Variants in HTT observed in about 807,000 individuals in gnomAD.
HTT encodes huntington disease protein.
HTT carries 104 observed loss-of-function variants against 362.3 expected under a neutral mutation model. The ratio of observed to expected loss-of-function variants is 0.29; its 90% confidence interval spans 0.24 to 0.34. The LOEUF (loss-of-function observed/expected upper bound fraction) is 0.34. Among genes scored for constraint, HTT ranks in the 10% least tolerant of loss-of-function variants. HTT has a pLI of 1.00. For missense variants in HTT, 3,301 were observed against 3,928.6 expected, an observed-to-expected ratio of 0.84 and a Z score of 4.27; for synonymous variants, 1,577 against 1,548.7, an observed-to-expected ratio of 1.02 and a Z score of -0.43.
At chr4:3,081,550 CT>C (rs770325842) in intron 1 of HTT, among the ~76,000 whole-genome samples, 208 of 84,472 alleles carry the variant, frequency 2.5e-3, no homozygotes, top group East Asian at 0.021. Flanking sequence ...GAAAGCATTT[CT>C]TTTTTTTTTT....
At position 3,239,835 on chromosome 4, in the gene HTT, TC is replaced by T. The variant is rs749671401; in HGVS notation, c.9216-9del. 1 of 1,551,550 alleles carries T rather than the reference TC, an allele frequency of 6.4e-7. No homozygotes were observed. Among genetic ancestry groups the T allele is most frequent in the African/African-American group, 1.4e-5 (1 of 73,296 alleles). On this transcript the variant is annotated splice_polypyrimidine_tract_variant and intron_variant, in intron 66 of 66. Coordinates refer to ENST00000355072, the MANE Select transcript of HTT (RefSeq NM_001388492.1). Reference sequence around the variant, plus strand: ...TCATTTGCCGGCCTTTTTCCTTAACTCCTGCACCAGCCTCCCACATGTCATC... The same window carrying T: ...TCATTTGCCGGCCTTTTTCCTTAACTCTGCACCAGCCTCCCACATGTCATC...
chr4:3,110,915 G>A (rs1162914377), intron 6 of HTT, among the ~76,000 whole-genome samples: 1 of 152,064 alleles, frequency 6.6e-6, no homozygotes, highest in East Asian at 1.9e-4. Flanking sequence ...GTTGGATGTT[G>A]GTCCTCCTAG....
At position 3,236,522 on chromosome 4, in the gene HTT, C is replaced by T. The variant is rs150595680; in HGVS notation, c.8891+268C>T. Reference sequence around the variant, plus strand: ...CTCTCCTGAGGGCTCAGGGACAGTACCTGGCAGTTGGGGGTGTGGCAGGGG... The same window carrying T: ...CTCTCCTGAGGGCTCAGGGACAGTATCTGGCAGTTGGGGGTGTGGCAGGGG... On this transcript the variant is annotated intron_variant, in intron 64 of 66. Transcript: ENST00000355072. Among the ~76,000 whole-genome samples, 1,456 of 152,252 alleles carry T rather than the reference C, an allele frequency of 9.6e-3. 29 individuals carry two copies. The highest frequency in any genetic ancestry group is 7.2e-3 in the Non-Finnish European group (492 of 68,026).
At chr4:3,100,074 A>T (rs1714076292) in intron 3 of HTT, among the ~76,000 whole-genome samples, 1 of 152,236 alleles carries the variant, frequency 6.6e-6, no homozygotes, top group Admixed American at 6.5e-5. Context: ...CAATGAAGGG[A>T]ACCGATGGTA....
rs1419687761 is a variant in HTT, at chr4:3,099,307, C to A, written c.381C>A (p.Ile127=). 4 of 1,613,942 alleles carry A rather than the reference C, an allele frequency of 2.5e-6. No homozygotes were observed. The highest frequency in any genetic ancestry group is 3.4e-6 in the Non-Finnish European group (4 of 1,179,852). ...NSPEFQKLLG[I]AMELFLLCSD... The stretch of plus-strand genomic sequence containing the variant: ...CAGAATTTCAGAAACTTCTGGGCAT[C>A]GCTATGGAACTTTTTCTGCTGTGCA... Residue 127 remains isoleucine, a synonymous_variant, in exon 3 of 67, where the codon ATC becomes ATA. Transcript: ENST00000355072.
At chr4:3,147,885 A>G (rs1401963156) in intron 25 of HTT, 120 bp from the exon 26 acceptor site, 2 of 709,700 alleles carry the variant, frequency 2.8e-6, no homozygotes, top group Non-Finnish European at 4.7e-6. Flanking sequence ...TCAGTTGAAT[A>G]TCAGGCACAG....
At chr4:3,156,757 C>G (rs2110214317) in intron 27 of HTT, among the ~76,000 whole-genome samples, 1 of 152,302 alleles carries the variant, frequency 6.6e-6, no homozygotes, top group Non-Finnish European at 1.5e-5. Context: ...CAGAGAGGTT[C>G]TGGAATTGGC....
chr4:3,103,197 A>G (rs1714244908), intron 3 of HTT, among the ~76,000 whole-genome samples: 1 of 146,026 alleles, frequency 6.8e-6, no homozygotes, highest in Non-Finnish European at 1.5e-5. Flanking sequence ...GATTTATTAT[A>G]TATATATAAA....
At chr4:3,229,421 GCA>G (rs1721115307) in intron 59 of HTT, among the ~76,000 whole-genome samples, 1 of 117,550 alleles carries the variant, frequency 8.5e-6, no homozygotes, top group Non-Finnish European at 1.8e-5. Flanking sequence ...GCCACACACA[GCA>G]CACAACCACA....
Position 3,075,012 on chromosome 4 carries a change from C to T in HTT, c.187C>T (p.Pro63Ser). ...GCCGCCGCAGGCACAGCCGCTGCTG[C>T]CTCAGCCGCAGCCGCCCCCGCCGCC... ...QPPPQAQPLL[P>S]QPQPPPPPPP... The change falls in exon 1 of 67, where the codon CCT (proline) becomes TCT (serine). Residue 63 changes from proline to serine, a missense_variant. Pro to Ser is a moderately conservative substitution (Grantham distance 74). This residue lies in a region of HTT where 2,316 missense variants were observed against 2,658.5 expected (regional missense o/e 0.87). Coordinates refer to ENST00000355072, the MANE Select transcript of HTT (RefSeq NM_001388492.1). 7.6e-7 allele frequency: 1 copy of T among 1,318,172 alleles called. No homozygotes were observed. Among genetic ancestry groups the T allele is most frequent in the Non-Finnish European group, 9.6e-7 (1 of 1,036,938 alleles). The allele number at this position is 1,318,172 out of a possible 1,614,324, so 81.7% of individuals were successfully genotyped here. A position where few individuals can be genotyped will look rare whatever the true frequency, so the allele number is the denominator to read the frequency against.
intron 2 of HTT, among the ~76,000 whole-genome samples, chr4:3,091,485 C>T (rs143550684): frequency 6.3e-4 from 96 of 152,262 alleles, no homozygotes; most frequent in African/African-American, 2.0e-3. Context: ...ATGTCAAAAT[C>T]CACCTTCAAC....
At chr4:3,178,046 G>A (rs972289854) in intron 34 of HTT, among the ~76,000 whole-genome samples, 2 of 152,174 alleles carry the variant, frequency 1.3e-5, no homozygotes, top group African/African-American at 4.8e-5. Flanking sequence ...TAGGAAGATC[G>A]TAGCTGCTGT....
intron 60 of HTT, among the ~76,000 whole-genome samples, chr4:3,231,375 C>T (rs945191367): frequency 3.3e-5 from 5 of 152,046 alleles, no homozygotes. Context: ...CTAACATTTG[C>T]GGAGCTCTTC....
intron 3 of HTT, among the ~76,000 whole-genome samples, chr4:3,102,888 G>A (rs749334837): frequency 2.6e-5 from 4 of 152,176 alleles, no homozygotes; most frequent in Non-Finnish European, 5.9e-5. Flanking sequence ...AGCCTCACAA[G>A]TGAGCAAGGA....
chr4:3,233,013 C>T (rs1721334903), intron 60 of HTT, 150 bp from the exon 61 acceptor site: 1 of 602,476 alleles, frequency 1.7e-6, no homozygotes, highest in Non-Finnish European at 2.9e-6. Flanking sequence ...GCCAGCCTTG[C>T]ACACAGGCCT....
chr4:3,101,950 C>T (rs1302304947), intron 3 of HTT, among the ~76,000 whole-genome samples: 2 of 152,140 alleles, frequency 1.3e-5, no homozygotes, highest in Non-Finnish European at 2.9e-5. Context: ...CAAGGGGTGC[C>T]AGGAAGCTGT....
At chr4:3,081,492 G>A (rs1712894554) in intron 1 of HTT, among the ~76,000 whole-genome samples, 1 of 150,354 alleles carries the variant, frequency 6.7e-6, no homozygotes, top group African/African-American at 2.4e-5. Context: ...AAATATGCAG[G>A]TTATAGTTTT....
chr4:3,145,136 GTTTC>G lies in HTT; in HGVS notation c.3067-9_3067-6del, dbSNP rs1363323812. The G allele has an allele frequency of 6.3e-7, 1 of 1,597,796 alleles. No homozygotes were observed. The highest frequency in any genetic ancestry group is 8.6e-7 in the Non-Finnish European group (1 of 1,165,262). Reference sequence around the variant, plus strand: ...TGTGGTGTTTGGGTGTGATTTTATTGTTTCTTTCTTCTCAGTTTGGATGCTGTGA... The same window carrying G: ...TGTGGTGTTTGGGTGTGATTTTATTGTTTCTTCTCAGTTTGGATGCTGTGA... On this transcript the variant is annotated splice_polypyrimidine_tract_variant and intron_variant, in intron 23 of 66. Coordinates refer to ENST00000355072, the MANE Select transcript of HTT (RefSeq NM_001388492.1).
chr4:3,159,212 C>T (rs180901144), intron 28 of HTT, among the ~76,000 whole-genome samples: 50 of 152,248 alleles, frequency 3.3e-4, no homozygotes, highest in Middle Eastern at 3.4e-3. Flanking sequence ...GCTTTGGTTT[C>T]GAGTCTCCAC....
Sources: gnomAD v4.1 joint callset for allele counts (sites outside exome capture counted in the v4.1 genomes callset) on GRCh38, gnomAD v4.1.1 for gene constraint, gnomAD v4.1.1 regional missense constraint, MANE v1.5 for transcripts, NCBI Gene and HGNC (gene_info 2026-07-23, HGNC 2026-07-21) for gene names.